The following PDE5A variants were observed in gnomAD, a reference collection of about 807,000 sequenced individuals.
PDE5A encodes the protein phosphodiesterase 5A.
A neutral mutation model predicts 110.2 loss-of-function variants in PDE5A; 67 were observed. The ratio of observed to expected loss-of-function variants is 0.61; its 90% CI spans 0.50 to 0.75. The LOEUF (loss-of-function observed/expected upper bound fraction) is 0.75, where lower values mean the gene tolerates loss of function less well. PDE5A is among the 30% of genes least tolerant of loss of function. PDE5A has a pLI of 0.00. For synonymous variants in PDE5A, 328 were observed against 351.2 expected, an observed-to-expected ratio of 0.93 and a Z score of 0.74; for missense variants, 862 against 1,045.1, an observed-to-expected ratio of 0.82 and a Z score of 2.42.
At chr4:119,575,477 C>G (rs1192204877) in intron 3 of PDE5A, among the ~76,000 whole-genome samples, 2 of 152,334 alleles carry the variant, frequency 1.3e-5, no homozygotes, top group Non-Finnish European at 2.9e-5. Flanking sequence ...CTCAGACTAA[C>G]AGCTGATCTC....
At chr4:119,504,257 T>C (rs569760375) in intron 18 of PDE5A, among the ~76,000 whole-genome samples, 8 of 152,102 alleles carry the variant, frequency 5.3e-5, no homozygotes, top group Admixed American at 2.0e-4. Context: ...CCAGCTCCAA[T>C]CATGTTGCTG....
Position 119,501,157 on chromosome 4 carries a change from T to C in PDE5A, c.2490+13A>G. The C allele has an allele frequency of 6.5e-7, 1 of 1,533,646 alleles. No individual in the cohort carries two copies. The highest frequency in any genetic ancestry group is 9.0e-7 in the Non-Finnish European group (1 of 1,107,494). ...TCCAAGTTTAGCAAGTCTAGTAGTT[T>C]TCATATAAATACCTCATACAGTTGC... On this transcript the variant is annotated intron_variant, in intron 20 of 20. Coordinates refer to ENST00000354960, the MANE Select transcript of PDE5A (RefSeq NM_001083.4).
chr4:119,580,226 A>C (rs1423364228), intron 3 of PDE5A, among the ~76,000 whole-genome samples: 1 of 152,108 alleles, frequency 6.6e-6, no homozygotes, highest in Admixed American at 6.6e-5. Context: ...CCAAATACTA[A>C]ACTCTCTGCC....
At chr4:119,607,342 G>A (rs1175964223) in intron 1 of PDE5A, 45 bp from the exon 2 acceptor site, 1 of 1,268,984 alleles carries the variant, frequency 7.9e-7, no homozygotes, top group Non-Finnish European at 1.1e-6. Context: ...TGAAGAGGAA[G>A]GGTGCTATGC....
rs1015132554 is a variant in PDE5A, at chr4:119,609,161, C to CAA, written c.153-1866_153-1865dup. ...TGGGCTACAGTTCGAGACTCCGTCTCAAAAAAAAAAATAAAAAAAAATAGG... is the reference window on the plus strand; with the variant it reads ...TGGGCTACAGTTCGAGACTCCGTCTCAAAAAAAAAAAAATAAAAAAAAATAGG... On this transcript the variant is annotated intron_variant, in intron 1 of 20. Coordinates refer to ENST00000354960, the MANE Select transcript of PDE5A (RefSeq NM_001083.4). Among the ~76,000 whole-genome samples the CAA allele has an allele frequency of 1.7e-4, 22 of 130,976 alleles. No individual in the cohort carries two copies. The South Asian group carries it at 3.4e-3, about 20-fold the overall frequency. 85.9% of individuals were successfully genotyped at this position (130,976 alleles called of 152,430 possible). A position where few individuals can be genotyped will look rare whatever the true frequency, so the allele number is the denominator to read the frequency against.
chr4:119,603,497 T>A (rs1284150471), intron 2 of PDE5A, among the ~76,000 whole-genome samples: 1 of 152,198 alleles, frequency 6.6e-6, no homozygotes, highest in Non-Finnish European at 1.5e-5. Context: ...ACAGGTAGCA[T>A]TTACCAACTA....
chr4:119,606,438 C>T (rs533923256), intron 2 of PDE5A, among the ~76,000 whole-genome samples: 1 of 151,858 alleles, frequency 6.6e-6, no homozygotes, highest in East Asian at 1.9e-4. Flanking sequence ...ATGAGATGAG[C>T]TATATTAAAT....
At position 119,532,937 on chromosome 4, in the gene PDE5A, C is replaced by T. The variant is rs115976413; in HGVS notation, c.1632+6023G>A. Among the ~76,000 whole-genome samples, 551 of 152,146 alleles carry T rather than the reference C, an allele frequency of 3.6e-3. 3 individuals are homozygous for T. Among genetic ancestry groups the T allele is most frequent in the African/African-American group, 0.013 (532 of 41,526 alleles). On this transcript the variant is annotated intron_variant, in intron 11 of 20. Coordinates refer to ENST00000354960, the MANE Select transcript of PDE5A (RefSeq NM_001083.4). ...ATCTTAAGAGCCAAAATAAAAATTACGGAAACTGGAAACAATTCCTAATAG... is the reference window on the plus strand; with the variant it reads ...ATCTTAAGAGCCAAAATAAAAATTATGGAAACTGGAAACAATTCCTAATAG...
chr4:119,574,749 A>G (rs1728271433), intron 3 of PDE5A, among the ~76,000 whole-genome samples: 1 of 152,198 alleles, frequency 6.6e-6, no homozygotes, highest in Non-Finnish European at 1.5e-5. Flanking sequence ...GCAACATTAA[A>G]AAAAATCCTA....
chr4:119,536,997 C>G (rs1384277931), intron 11 of PDE5A, among the ~76,000 whole-genome samples: 3 of 152,162 alleles, frequency 2.0e-5, no homozygotes, highest in African/African-American at 7.2e-5. Context: ...AAGTGCTCAA[C>G]AAATGTAGCT....
chr4:119,506,338 AGTT>A (rs1404472646), intron 16 of PDE5A, among the ~76,000 whole-genome samples: 6 of 151,970 alleles, frequency 3.9e-5, no homozygotes, highest in African/African-American at 1.4e-4. Context: ...AAATATCTAA[AGTT>A]GTGAAGTGCT....
At chr4:119,547,726 T>G (rs2110491636) in intron 9 of PDE5A, among the ~76,000 whole-genome samples, 1 of 152,206 alleles carries the variant, frequency 6.6e-6, no homozygotes, top group Middle Eastern at 3.4e-3. Flanking sequence ...TTTCAGGTTC[T>G]AAGTGAGTTT....
Position 119,567,137 on chromosome 4 carries a change from C to T in PDE5A, c.839G>A (p.Gly280Asp), listed in dbSNP as rs775578600. Reference protein sequence around the residue: ...PIKNHREEVVGVAQAINKKSG... With the variant: ...PIKNHREEVVDVAQAINKKSG... The stretch of plus-strand genomic sequence containing the variant: ...TTTCTTGTTGATGGCCTGGGCTACA[C>T]CAACAACCTGGTATAAGGAGAGAAA... Residue 280 changes from glycine (G) to aspartate (D), a missense_variant, in exon 4 of 21, where the codon GGT becomes GAT. Coordinates refer to ENST00000354960, the MANE Select transcript of PDE5A (RefSeq NM_001083.4). 3 of 1,612,056 alleles carry T rather than the reference C, an allele frequency of 1.9e-6. No homozygotes were observed. Among genetic ancestry groups the T allele is most frequent in the Non-Finnish European group, 2.5e-6 (3 of 1,178,334 alleles).
chr4:119,608,957 C>T (rs879939329), intron 1 of PDE5A, among the ~76,000 whole-genome samples: 29 of 151,902 alleles, frequency 1.9e-4, no homozygotes, highest in Non-Finnish European at 2.6e-4. Flanking sequence ...GTCAGGAAAT[C>T]GAGACCATCC....
intron 2 of PDE5A, among the ~76,000 whole-genome samples, chr4:119,599,195 T>C (rs113839392): frequency 0.017 from 2,578 of 152,282 alleles, 71 homozygotes; most frequent in African/African-American, 0.058. Context: ...GTAATTTTAC[T>C]GCCTGCCCGA....
At chr4:119,604,695 C>A (rs1050251022) in intron 2 of PDE5A, among the ~76,000 whole-genome samples, 4 of 152,114 alleles carry the variant, frequency 2.6e-5, no homozygotes, top group African/African-American at 9.7e-5. Context: ...ACCCCAAATC[C>A]CGGCCCTCGG....
intron 16 of PDE5A, among the ~76,000 whole-genome samples, chr4:119,506,375 A>G (rs1578725825): frequency 1.3e-5 from 2 of 151,888 alleles, no homozygotes; most frequent in South Asian, 4.1e-4. Context: ...AAGACTAGGT[A>G]AAGTTTAAAA....
intron 3 of PDE5A, among the ~76,000 whole-genome samples, chr4:119,569,517 A>C (rs1466199681): frequency 2.0e-5 from 3 of 151,984 alleles, no homozygotes; most frequent in Admixed American, 6.6e-5. Flanking sequence ...TAAAAAAAAA[A>C]CAAGTTCTGT....
chr4:119,567,004 A>T, intron 4 of PDE5A, 69 bp downstream of exon 4: 1 of 1,025,566 alleles, frequency 9.8e-7, no homozygotes, highest in Non-Finnish European at 1.5e-6. Context: ...AGCTAAACCT[A>T]GAGGTGTATA....
Sources: gnomAD v4.1 joint callset for allele counts (sites outside exome capture counted in the v4.1 genomes callset) on GRCh38, gnomAD v4.1.1 for gene constraint, MANE v1.5 for transcripts, NCBI Gene and HGNC (gene_info 2026-07-23, HGNC 2026-07-21) for gene names.